The following PDHX variants were observed in gnomAD, a reference collection of about 807,000 sequenced individuals.
PDHX encodes pyruvate dehydrogenase complex component X, also known as pyruvate dehydrogenase protein X component, mitochondrial.
Under a neutral mutation model 55.3 loss-of-function variants are expected in PDHX, and 33 were observed. The observed-to-expected ratio is 0.60, with a 90% CI of 0.45 to 0.80. The LOEUF is 0.80. Among genes scored for constraint, PDHX ranks in the 30% least tolerant of loss-of-function variants. The pLI, the probability that PDHX is intolerant of heterozygous loss-of-function variation, is 0.00. For synonymous variants in PDHX, 226 were observed against 219.4 expected (o/e 1.03, Z -0.27); for missense variants, 622 against 619.9 (o/e 1.00, Z -0.04).
chr11:34,948,202 A>T (rs1487428777), intron 3 of PDHX, among the ~76,000 whole-genome samples: 1 of 152,212 alleles, frequency 6.6e-6, no homozygotes, highest in Non-Finnish European at 1.5e-5. Flanking sequence ...AAGACCTGTT[A>T]CCCAATTGCT....
Position 34,932,475 on chromosome 11 carries a change from A to C in PDHX, c.241+991A>C, listed in dbSNP as rs1205556737. Among the ~76,000 whole-genome samples the C allele has an allele frequency of 2.0e-5, 3 of 152,214 alleles. 1 individual carries two copies. Among genetic ancestry groups the C allele is most frequent in the Non-Finnish European group, 4.4e-5 (3 of 68,024 alleles). ...AATTGCAAATGACTCTTACACGTAG[A>C]AAAAGACGCCTAACCTTTCAACTGG... On this transcript the variant is annotated intron_variant, in intron 2 of 10. Transcript: ENST00000227868.
At position 34,924,468 on chromosome 11, in the gene PDHX, G is replaced by T. The variant is rs1001150912; in HGVS notation, c.161-6936G>T. On this transcript the variant is annotated intron_variant, in intron 1 of 10. Transcript: ENST00000227868. ...ACTTCTGACCTAATGTGATCCACCC[G>T]CCTCAGCCTCCCAAAGTGCTGGGAT... 2.6e-5 allele frequency among the ~76,000 whole-genome samples: 4 copies of T among 152,026 alleles called. No individual in the cohort carries two copies. In the East Asian group the frequency reaches 7.7e-4, roughly 29 times the overall value.
At chr11:34,992,240 T>C in intron 9 of PDHX, 75 bp from the exon 10 acceptor site, 2 of 831,778 alleles carry the variant, frequency 2.4e-6, no homozygotes, top group Middle Eastern at 2.4e-4. Context: ...GTATATGATG[T>C]ACAAATATTT....
At chr11:34,973,349 T>C (rs1460286713) in intron 7 of PDHX, among the ~76,000 whole-genome samples, 3 of 152,124 alleles carry the variant, frequency 2.0e-5, no homozygotes, top group Non-Finnish European at 4.4e-5. Flanking sequence ...CAGCGTGTAG[T>C]TGGTTCTTGC....
At chr11:34,981,884 G>T (rs1011463195) in intron 8 of PDHX, among the ~76,000 whole-genome samples, 39 of 152,140 alleles carry the variant, frequency 2.6e-4, no homozygotes, top group African/African-American at 9.4e-4. Flanking sequence ...TGAGTTCATT[G>T]TAGATTCTGG....
At position 34,946,136 on chromosome 11, in the gene PDHX, G is replaced by A. The variant is rs138944950; in HGVS notation, c.242-1370G>A. Among the ~76,000 whole-genome samples the A allele has an allele frequency of 3.7e-3, 562 of 152,092 alleles. 5 individuals are homozygous for A. Among genetic ancestry groups the A allele is most frequent in the African/African-American group, 0.013 (541 of 41,482 alleles). On this transcript the variant is annotated intron_variant, in intron 2 of 10. Transcript: ENST00000227868. Reference sequence around the variant, plus strand: ...TTTGTCTGCCTGTATGAAATTCTGCGTAGTTCATTAGTGCTACCTTTCAAT... The same window carrying A: ...TTTGTCTGCCTGTATGAAATTCTGCATAGTTCATTAGTGCTACCTTTCAAT...
At chr11:34,938,635 T>C (rs1404604455) in intron 2 of PDHX, among the ~76,000 whole-genome samples, 1 of 152,212 alleles carries the variant, frequency 6.6e-6, no homozygotes, top group African/African-American at 2.4e-5. Context: ...AGATTAACTT[T>C]CTTCACACTT....
At position 34,943,033 on chromosome 11, in the gene PDHX, A is replaced by G. The variant is rs528814767; in HGVS notation, c.242-4473A>G. Among the ~76,000 whole-genome samples the G allele has an allele frequency of 2.0e-5, 3 of 150,578 alleles. No homozygotes were observed. In the South Asian group the frequency reaches 6.3e-4, roughly 32 times the overall value. ...AATTTGATGTATACCTTATGAGGAA[A>G]TAAGGATTCGTGAAGTTATCATGTT... is the stretch of plus-strand genomic sequence containing the variant. On this transcript the variant is annotated intron_variant, in intron 2 of 10. Coordinates refer to ENST00000227868, the MANE Select transcript of PDHX (RefSeq NM_003477.3).
At chr11:34,924,170 GCTGC>G in intron 1 of PDHX, among the ~76,000 whole-genome samples, 1 of 152,264 alleles carries the variant, frequency 6.6e-6, no homozygotes, top group Admixed American at 6.5e-5. Flanking sequence ...TTGTTTCTAT[GCTGC>G]CCATCAAAAA....
At chr11:34,976,225 C>G (rs1373384764) in intron 7 of PDHX, among the ~76,000 whole-genome samples, 1 of 152,126 alleles carries the variant, frequency 6.6e-6, no homozygotes, top group Admixed American at 6.6e-5. Flanking sequence ...ATCTTCACTC[C>G]TCTTTCTCAT....
intron 7 of PDHX, among the ~76,000 whole-genome samples, chr11:34,974,453 GAAT>G (rs1855323882): frequency 6.6e-6 from 1 of 152,170 alleles, no homozygotes; most frequent in African/African-American, 2.4e-5. Context: ...TGGCTATTGT[GAAT>G]AATACTGCTG....
At chr11:34,988,558 C>CAAAAAAAA (rs201687707) in intron 9 of PDHX, among the ~76,000 whole-genome samples, 2 of 140,570 alleles carry the variant, frequency 1.4e-5, no homozygotes, top group African/African-American at 2.6e-5. Flanking sequence ...TGTTTTCTGT[C>CAAAAAAAA]AAAAAAAAAA....
chr11:34,921,574 CT>C (rs1853880086), intron 1 of PDHX, among the ~76,000 whole-genome samples: 1 of 152,174 alleles, frequency 6.6e-6, no homozygotes, highest in African/African-American at 2.4e-5. Flanking sequence ...CTATGACCAT[CT>C]GACTAAAATA....
chr11:34,925,767 A>C (rs1170669515), intron 1 of PDHX, among the ~76,000 whole-genome samples: 2 of 152,178 alleles, frequency 1.3e-5, no homozygotes, highest in Non-Finnish European at 1.5e-5. Flanking sequence ...TAATCTGAAA[A>C]TCTGACATCC....
intron 10 of PDHX, among the ~76,000 whole-genome samples, chr11:34,993,920 G>A (rs905874701): frequency 7.2e-5 from 11 of 152,054 alleles, no homozygotes; most frequent in Non-Finnish European, 1.5e-5. Context: ...TTTCAGTTAT[G>A]TTTTATAATT....
chr11:34,924,744 G>A (rs1853977027), intron 1 of PDHX, among the ~76,000 whole-genome samples: 1 of 151,978 alleles, frequency 6.6e-6, no homozygotes, highest in African/African-American at 2.4e-5. Flanking sequence ...AATAGTACAT[G>A]CATATAGTTT....
At position 34,970,141 on chromosome 11, in the gene PDHX, C is replaced by T. The variant is rs1314945520; in HGVS notation, c.819C>T (p.Gly273=). 1 of 1,613,390 alleles carries T rather than the reference C, an allele frequency of 6.2e-7. No homozygotes were observed. Among genetic ancestry groups the T allele is most frequent in the East Asian group, 2.2e-5 (1 of 44,846 alleles). The part of the protein sequence containing the change: ...VSTPGQPNAV[G]TFTEIPASNI... Reference sequence around the variant, plus strand: ...GACAGGTTGCTGTCTTTTTGCAGGGCACATTCACTGAAATCCCCGCCAGCA... The same window carrying T: ...GACAGGTTGCTGTCTTTTTGCAGGGTACATTCACTGAAATCCCCGCCAGCA... The change falls in exon 7 of 11, where the codon GGC becomes GGT. Residue 273 remains glycine, a splice_region_variant and synonymous_variant. Coordinates refer to ENST00000227868, the MANE Select transcript of PDHX (RefSeq NM_003477.3).
chr11:34,930,033 G>A (rs1410458221), intron 1 of PDHX, among the ~76,000 whole-genome samples: 1 of 152,192 alleles, frequency 6.6e-6, no homozygotes, highest in Non-Finnish European at 1.5e-5. Context: ...AAGCAAACAC[G>A]CATATCCGAA....
chr11:34,922,591 T>A (rs1220356788), intron 1 of PDHX, among the ~76,000 whole-genome samples: 1 of 152,130 alleles, frequency 6.6e-6, no homozygotes, highest in African/African-American at 2.4e-5. Flanking sequence ...AAATGAACAT[T>A]TTTGCTTTTT....
Sources: gnomAD v4.1 joint callset for allele counts (sites outside exome capture counted in the v4.1 genomes callset) on GRCh38, gnomAD v4.1.1 for gene constraint, MANE v1.5 for transcripts, NCBI Gene and HGNC (gene_info 2026-07-23, HGNC 2026-07-21) for gene names.